The following GPC5 variants were observed in gnomAD, a reference collection of about 807,000 sequenced individuals.
GPC5 encodes glypican 5.
In GPC5, 47 loss-of-function variants were observed where a neutral mutation model predicts 53.9. The observed-to-expected ratio is 0.87, with a 90% CI of 0.69 to 1.11. The LOEUF (loss-of-function observed/expected upper bound fraction) is 1.11, where lower values mean the gene tolerates loss of function less well. Ranked by LOEUF, GPC5 falls within the 50% of genes most tolerant of loss-of-function variation. GPC5 has a pLI of 0.00. For synonymous variants in GPC5, 286 were observed against 263.3 expected, an observed-to-expected ratio of 1.09 and a Z score of -0.84; for missense variants, 748 against 713.1, an observed-to-expected ratio of 1.05 and a Z score of -0.56.
At chr13:91,923,574 C>A (rs934512036) in intron 6 of GPC5, among the ~76,000 whole-genome samples, 19 of 151,966 alleles carry the variant, frequency 1.3e-4, no homozygotes, top group Admixed American at 7.9e-4. Context: ...ATATGATACA[C>A]CTTATGAATG....
At chr13:91,658,414 T>A (rs1397617560) in intron 2 of GPC5, among the ~76,000 whole-genome samples, 1 of 152,190 alleles carries the variant, frequency 6.6e-6, no homozygotes, top group East Asian at 1.9e-4. Context: ...AAGTTCATAA[T>A]CATTCTTTTT....
chr13:92,138,917 G>GA (rs35472147), intron 6 of GPC5, among the ~76,000 whole-genome samples: 1,545 of 147,568 alleles, frequency 0.01, 30 homozygotes, highest in South Asian at 0.033. Flanking sequence ...TGCTGCAGGG[G>GA]AAAAAAAAAA....
In GPC5 at chr13:92,026,459, T is replaced by C. The variant is rs946110134; in HGVS notation, c.1402-118371T>C. The stretch of plus-strand genomic sequence containing the variant: ...AGGGATTTTTTTCTTTTTTCTTTTT[T>C]TTTTTTGTACTGAGCTAAGCAGCAG... On this transcript the variant is annotated intron_variant, in intron 6 of 7. Transcript: ENST00000377067. 3.3e-5 allele frequency among the ~76,000 whole-genome samples: 5 copies of C among 151,182 alleles called. No homozygotes were observed. In the South Asian group the frequency reaches 1.0e-3, roughly 31 times the overall value.
intron 7 of GPC5, among the ~76,000 whole-genome samples, chr13:92,257,003 C>T (rs979650512): frequency 1.6e-4 from 24 of 152,146 alleles, no homozygotes; most frequent in Middle Eastern, 3.4e-3. Context: ...TGCCACTCTT[C>T]GATTCTATGA....
chr13:91,949,482 G>T (rs1251619900), intron 6 of GPC5, among the ~76,000 whole-genome samples: 2 of 152,142 alleles, frequency 1.3e-5, no homozygotes, highest in Non-Finnish European at 1.5e-5. Flanking sequence ...AAAATAATGA[G>T]ATAAGTTTTA....
At chr13:92,645,783 T>G (rs35210903) in intron 7 of GPC5, among the ~76,000 whole-genome samples, 38,036 of 151,850 alleles carry the variant, frequency 0.25, 5,258 homozygotes, top group South Asian at 0.39. Context: ...GATTAATAAT[T>G]TTGATCATTT....
chr13:91,594,518 T>C (rs2032920162), intron 2 of GPC5, among the ~76,000 whole-genome samples: 1 of 152,230 alleles, frequency 6.6e-6, no homozygotes, highest in African/African-American at 2.4e-5. Context: ...GTTGATAAGC[T>C]TGACTGTCAA....
intron 2 of GPC5, among the ~76,000 whole-genome samples, chr13:91,629,074 A>C (rs1157631113): frequency 2.0e-5 from 3 of 152,176 alleles, no homozygotes; most frequent in South Asian, 2.1e-4. Flanking sequence ...TGCCACATGG[A>C]AGGAGCTCAG....
chr13:92,521,799 C>T (rs982288851), intron 7 of GPC5, among the ~76,000 whole-genome samples: 3 of 152,146 alleles, frequency 2.0e-5, no homozygotes, highest in African/African-American at 7.2e-5. Context: ...AACTAAAGAG[C>T]TTCTGCAGAG....
intron 6 of GPC5, among the ~76,000 whole-genome samples, chr13:91,998,192 T>A (rs1421852893): frequency 6.6e-6 from 1 of 152,204 alleles, no homozygotes. Flanking sequence ...AGGGCTGAAT[T>A]TGCTTCTAGA....
chr13:92,767,292 G>A (rs1875440092), intron 7 of GPC5, among the ~76,000 whole-genome samples: 1 of 152,072 alleles, frequency 6.6e-6, no homozygotes, highest in Non-Finnish European at 1.5e-5. Flanking sequence ...CCAACATGGT[G>A]AAACCCCGTC....
chr13:91,405,839 C>T (rs1877284471), intron 1 of GPC5, among the ~76,000 whole-genome samples: 1 of 152,178 alleles, frequency 6.6e-6, no homozygotes, highest in Non-Finnish European at 1.5e-5. Flanking sequence ...GGTATAATTA[C>T]AGCTCACTGC....
At chr13:92,264,355 TAC>T (rs1472582223) in intron 7 of GPC5, among the ~76,000 whole-genome samples, 4 of 152,134 alleles carry the variant, frequency 2.6e-5, no homozygotes, top group Admixed American at 6.6e-5. Flanking sequence ...ACAAAATAGT[TAC>T]TGGAAATAGG....
intron 7 of GPC5, among the ~76,000 whole-genome samples, chr13:92,314,107 T>C (rs2043163062): frequency 6.6e-6 from 1 of 152,154 alleles, no homozygotes; most frequent in South Asian, 2.1e-4. Flanking sequence ...GAGGAGAGAA[T>C]TATATCACAT....
At chr13:92,202,994 A>T (rs565946841) in intron 7 of GPC5, among the ~76,000 whole-genome samples, 92 of 152,336 alleles carry the variant, frequency 6.0e-4, no homozygotes, top group African/African-American at 2.2e-3. Context: ...CAATCATACA[A>T]TCAATGTTTG....
At chr13:92,819,537 C>T (rs923285634) in intron 7 of GPC5, among the ~76,000 whole-genome samples, 14 of 152,256 alleles carry the variant, frequency 9.2e-5, no homozygotes, top group African/African-American at 2.2e-4. Context: ...AAACATCTTT[C>T]GGCTCTAATA....
rs143702567 is a variant in GPC5, at chr13:92,679,833, C to T, written c.1562-186449C>T. Among the ~76,000 whole-genome samples the T allele has an allele frequency of 5.1e-4, 78 of 152,198 alleles. 3 individuals carry two copies. Among genetic ancestry groups the T allele is most frequent in the African/African-American group, 1.8e-3 (74 of 41,512 alleles). Reference sequence around the variant, plus strand: ...TCTCTCATGCACTCTCTCTCGCTCGCGTGCGTGCTCTCTCTCTCACTCCTG... The same window carrying T: ...TCTCTCATGCACTCTCTCTCGCTCGTGTGCGTGCTCTCTCTCTCACTCCTG... On this transcript the variant is annotated intron_variant, in intron 7 of 7. Transcript: ENST00000377067.
intron 6 of GPC5, among the ~76,000 whole-genome samples, chr13:92,086,521 T>C (rs2041336926): frequency 6.6e-6 from 1 of 152,228 alleles, no homozygotes; most frequent in Non-Finnish European, 1.5e-5. Flanking sequence ...CCCTCTCACC[T>C]TTGACTTCAA....
intron 7 of GPC5, among the ~76,000 whole-genome samples, chr13:92,597,264 T>C (rs1883912455): frequency 7.9e-6 from 1 of 126,994 alleles, no homozygotes; most frequent in Non-Finnish European, 1.5e-5. Context: ...ATGCCAGGAT[T>C]TTTTTTTTTT....
Sources: gnomAD v4.1 joint callset for allele counts (sites outside exome capture counted in the v4.1 genomes callset) on GRCh38, gnomAD v4.1.1 for gene constraint, MANE v1.5 for transcripts, NCBI Gene and HGNC (gene_info 2026-07-23, HGNC 2026-07-21) for gene names.